SETBP1: variants seen among roughly 807,000 people sequenced by gnomAD.
SETBP1 encodes SET-binding protein.
SETBP1 carries 9 observed loss-of-function variants against 101.0 expected under a neutral mutation model. The ratio of observed to expected loss-of-function variants is 0.09; its 90% CI spans 0.05 to 0.16. The LOEUF (loss-of-function observed/expected upper bound fraction) is 0.16, where lower values mean the gene tolerates loss of function less well. SETBP1 is among the 10% of genes least tolerant of loss of function. The pLI is 1.00. For synonymous variants in SETBP1, 818 were observed against 788.5 expected, an observed-to-expected ratio of 1.04 and a Z score of -0.63; for missense variants, 1,858 against 2,033.8, an observed-to-expected ratio of 0.91 and a Z score of 1.66.
intron 2 of SETBP1, among the ~76,000 whole-genome samples, chr18:44,718,690 G>C (rs1280253894): frequency 2.0e-5 from 3 of 152,136 alleles, no homozygotes; most frequent in South Asian, 2.1e-4. Context: ...TGTTGCAAGT[G>C]GGGTACCGTT....
chr18:44,806,087 T>G, intron 2 of SETBP1, among the ~76,000 whole-genome samples: 1 of 152,238 alleles, frequency 6.6e-6, no homozygotes, highest in Admixed American at 6.5e-5. Flanking sequence ...TATCCTGAAG[T>G]ACCATGTGTG....
chr18:44,916,966 T>C (rs189703691), intron 3 of SETBP1, among the ~76,000 whole-genome samples: 1 of 152,358 alleles, frequency 6.6e-6, no homozygotes, highest in Admixed American at 6.5e-5. Flanking sequence ...TTCCCTGGTT[T>C]CCCAGACCTC....
At chr18:44,903,524 A>G (rs2070101678) in intron 3 of SETBP1, among the ~76,000 whole-genome samples, 1 of 152,200 alleles carries the variant, frequency 6.6e-6, no homozygotes, top group Admixed American at 6.5e-5. Context: ...CTCTATGGGG[A>G]TGACATAGAT....
rs1289332455 is a variant in SETBP1 at position 44,713,415 on chromosome 18, T to C, written c.486+11583T>C. Among the ~76,000 whole-genome samples the C allele has an allele frequency of 5.3e-5, 8 of 152,188 alleles. 1 individual carries two copies. The stretch of plus-strand genomic sequence containing the variant: ...CTTATATTGCACTAGGCATCCCTTT[T>C]ATAGCCTAGATATTTCCAGTTCCTG... On this transcript the variant is annotated intron_variant, in intron 2 of 5. Coordinates refer to ENST00000649279, the MANE Select transcript of SETBP1 (RefSeq NM_015559.3).
chr18:44,755,243 A>G (rs1377479596), intron 2 of SETBP1, among the ~76,000 whole-genome samples: 2 of 152,210 alleles, frequency 1.3e-5, no homozygotes, highest in African/African-American at 2.4e-5. Context: ...GTGATGGTTA[A>G]TATTAGGTGT....
intron 4 of SETBP1, among the ~76,000 whole-genome samples, chr18:44,953,618 C>T (rs1219768890): frequency 2.0e-5 from 3 of 152,158 alleles, no homozygotes; most frequent in African/African-American, 7.2e-5. Context: ...TATGGTTATG[C>T]TTTTTATTAA....
intron 2 of SETBP1, among the ~76,000 whole-genome samples, chr18:44,801,934 A>G (rs2144779657): frequency 6.6e-6 from 1 of 152,218 alleles, no homozygotes; most frequent in East Asian, 1.9e-4. Flanking sequence ...GAAATGATCC[A>G]TTTCATACCC....
chr18:44,999,101 A>G (rs1255060504), intron 4 of SETBP1, among the ~76,000 whole-genome samples: 1 of 152,192 alleles, frequency 6.6e-6, no homozygotes, highest in Non-Finnish European at 1.5e-5. Flanking sequence ...CTGAGCTCAC[A>G]GAATTTTTTT....
intron 3 of SETBP1, among the ~76,000 whole-genome samples, chr18:44,913,663 A>G (rs1323208502): frequency 2.6e-5 from 4 of 152,224 alleles, no homozygotes; most frequent in Non-Finnish European, 5.9e-5. Flanking sequence ...GGCTACCATT[A>G]CCGGTCCAAA....
At chr18:44,711,066 G>A (rs1215195269) in intron 2 of SETBP1, among the ~76,000 whole-genome samples, 2 of 152,154 alleles carry the variant, frequency 1.3e-5, no homozygotes, top group East Asian at 1.9e-4. Flanking sequence ...TATATTAACT[G>A]GTGGATCAGT....
At chr18:44,838,553 G>A (rs1389791869) in intron 2 of SETBP1, among the ~76,000 whole-genome samples, 1 of 152,102 alleles carries the variant, frequency 6.6e-6, no homozygotes, top group East Asian at 1.9e-4. Context: ...TAGCCCTTGG[G>A]GTGTGAAGGT....
chr18:44,898,392 T>C (rs924696103), intron 3 of SETBP1, among the ~76,000 whole-genome samples: 1 of 152,142 alleles, frequency 6.6e-6, no homozygotes, highest in Non-Finnish European at 1.5e-5. Context: ...TAGAGAGATA[T>C]AGATGGATAG....
intron 2 of SETBP1, among the ~76,000 whole-genome samples, chr18:44,814,560 A>G (rs1197936007): frequency 1.3e-5 from 2 of 152,242 alleles, no homozygotes; most frequent in Non-Finnish European, 2.9e-5. Flanking sequence ...TCTAGTGATA[A>G]GCCAAGACTA....
Position 44,953,114 on chromosome 18 carries a change from A to G in SETBP1, c.3774A>G (p.Ser1258=), listed in dbSNP as rs1484767709. 1.9e-6 allele frequency: 3 copies of G among 1,614,096 alleles called. No homozygotes were observed. The highest frequency in any genetic ancestry group is 2.5e-6 in the Non-Finnish European group (3 of 1,180,052). ...ACTTGAGCAGTGAGCCTGTGGACTC[A>G]TGCACGAAAAGATACTCTGGCAGTG... ...KGDLSSEPVD[S]CTKRYSGSGG... The change falls in exon 4 of 6, where the codon TCA becomes TCG. Residue 1258 remains serine (S), a synonymous_variant. Coordinates refer to ENST00000649279, the MANE Select transcript of SETBP1 (RefSeq NM_015559.3).
At chr18:44,811,212 GA>G (rs763258671) in intron 2 of SETBP1, among the ~76,000 whole-genome samples, 29 of 152,198 alleles carry the variant, frequency 1.9e-4, no homozygotes, top group Admixed American at 5.2e-4. Context: ...TACTCATGAA[GA>G]GACAAATCTA....
chr18:44,910,006 C>A (rs1223011836), intron 3 of SETBP1, among the ~76,000 whole-genome samples: 2 of 152,216 alleles, frequency 1.3e-5, no homozygotes, highest in Admixed American at 1.3e-4. Flanking sequence ...ACTATGGTTT[C>A]TTGTCTATGA....
intron 4 of SETBP1, among the ~76,000 whole-genome samples, chr18:44,979,340 C>A (rs1434681151): frequency 6.6e-6 from 1 of 152,192 alleles, no homozygotes; most frequent in Non-Finnish European, 1.5e-5. Flanking sequence ...GCCCTTTGTT[C>A]TAGGATAATT....
chr18:44,797,598 C>T (rs1198384561), intron 2 of SETBP1, among the ~76,000 whole-genome samples: 1 of 152,144 alleles, frequency 6.6e-6, no homozygotes, highest in South Asian at 2.1e-4. Flanking sequence ...TTAGAATTCT[C>T]TTGGCGAAAA....
chr18:44,754,703 A>C (rs2070456014), intron 2 of SETBP1, among the ~76,000 whole-genome samples: 1 of 152,202 alleles, frequency 6.6e-6, no homozygotes, highest in African/African-American at 2.4e-5. Flanking sequence ...CGCTTAATAA[A>C]TTATTTAGAC....
Sources: gnomAD v4.1 joint callset for allele counts (sites outside exome capture counted in the v4.1 genomes callset) on GRCh38, gnomAD v4.1.1 for gene constraint, MANE v1.5 for transcripts, NCBI Gene and HGNC (gene_info 2026-07-23, HGNC 2026-07-21) for gene names.